Variants in THRB observed in about 807,000 individuals in gnomAD.
THRB encodes the protein nuclear receptor subfamily 1 group A member 2.
A neutral mutation model predicts 47.8 loss-of-function variants in THRB; 12 were observed. The ratio of observed to expected loss-of-function variants is 0.25; its 90% CI spans 0.16 to 0.41. The LOEUF is 0.41. Ranked by LOEUF, THRB falls within the 10% of genes least tolerant of loss-of-function variation. The pLI is 1.00. For synonymous variants in THRB, 218 were observed against 212.2 expected (o/e 1.03, Z -0.24); for missense variants, 348 against 589.2 (o/e 0.59, Z 4.24).
At chr3:24,485,031 C>G (rs1486682780) in intron 1 of THRB, among the ~76,000 whole-genome samples, 1 of 152,162 alleles carries the variant, frequency 6.6e-6, no homozygotes, top group East Asian at 1.9e-4. Flanking sequence ...AATAAAATCC[C>G]CATCAGTTAG....
chr3:24,173,280 T>G (rs1241804053), intron 5 of THRB, among the ~76,000 whole-genome samples: 1 of 152,182 alleles, frequency 6.6e-6, no homozygotes, highest in East Asian at 1.9e-4. Flanking sequence ...CCTTGAGCCC[T>G]GGATTCTCAA....
intron 3 of THRB, among the ~76,000 whole-genome samples, chr3:24,288,132 T>G (rs773754640): frequency 3.3e-5 from 5 of 152,200 alleles, no homozygotes; most frequent in Non-Finnish European, 7.3e-5. Flanking sequence ...GAAGGCAAGT[T>G]TTCTACCAAG....
chr3:24,301,284 A>T (rs2056922530), intron 2 of THRB, among the ~76,000 whole-genome samples: 1 of 152,196 alleles, frequency 6.6e-6, no homozygotes, highest in South Asian at 2.1e-4. Context: ...CAGCCCTAGG[A>T]AACTAAATAT....
At chr3:24,284,426 C>G (rs2055007778) in intron 3 of THRB, among the ~76,000 whole-genome samples, 1 of 150,838 alleles carries the variant, frequency 6.6e-6, no homozygotes, top group Non-Finnish European at 1.5e-5. Flanking sequence ...ATACAAAAAT[C>G]AATTCAAGAT....
At chr3:24,367,770 T>G (rs2064586203) in intron 1 of THRB, among the ~76,000 whole-genome samples, 1 of 152,192 alleles carries the variant, frequency 6.6e-6, no homozygotes, top group Non-Finnish European at 1.5e-5. Context: ...AAGAAATGTT[T>G]ACAGTACTGC....
intron 1 of THRB, among the ~76,000 whole-genome samples, chr3:24,452,639 C>T (rs1055161829): frequency 6.6e-6 from 1 of 151,954 alleles, no homozygotes; most frequent in Admixed American, 6.6e-5. Context: ...CGCTATAAAC[C>T]ACCTGGTGCT....
intron 9 of THRB, among the ~76,000 whole-genome samples, chr3:24,128,240 T>C (rs1217205012): frequency 2.0e-5 from 3 of 152,200 alleles, no homozygotes; most frequent in Non-Finnish European, 4.4e-5. Context: ...TCTTGTAGCC[T>C]CTTGGCACAA....
chr3:24,173,771 C>A (rs1037667638), intron 5 of THRB, among the ~76,000 whole-genome samples: 6 of 152,184 alleles, frequency 3.9e-5, no homozygotes, highest in African/African-American at 1.4e-4. Context: ...TCTAACCATA[C>A]ATATTCTTCC....
intron 6 of THRB, among the ~76,000 whole-genome samples, chr3:24,150,694 T>C (rs1397983707): frequency 6.6e-6 from 1 of 152,192 alleles, no homozygotes; most frequent in Admixed American, 6.5e-5. Context: ...TAAGGCACAT[T>C]CACTCTTTAG....
intron 4 of THRB, among the ~76,000 whole-genome samples, chr3:24,224,013 A>C (rs1369095617): frequency 2.0e-5 from 3 of 152,228 alleles, no homozygotes; most frequent in East Asian, 1.9e-4. Flanking sequence ...TAACTATACC[A>C]AAAATTTCTA....
At chr3:24,404,325 T>C (rs1479117549) in intron 1 of THRB, among the ~76,000 whole-genome samples, 1 of 151,962 alleles carries the variant, frequency 6.6e-6, no homozygotes, top group African/African-American at 2.4e-5. Context: ...AACTCCATAT[T>C]GCAACTGTCC....
chr3:24,167,671 G>A (rs536898197), intron 5 of THRB, among the ~76,000 whole-genome samples: 1 of 152,216 alleles, frequency 6.6e-6, no homozygotes, highest in Admixed American at 6.5e-5. Flanking sequence ...GTTAAGAGCT[G>A]CGTGTTGAAT....
intron 2 of THRB, among the ~76,000 whole-genome samples, chr3:24,312,000 C>T (rs375252139): frequency 2.6e-5 from 4 of 152,346 alleles, no homozygotes; most frequent in African/African-American, 9.6e-5. Flanking sequence ...CACTGTGTTG[C>T]AACCATCCTG....
intron 3 of THRB, among the ~76,000 whole-genome samples, chr3:24,232,650 G>A (rs1416519575): frequency 1.3e-5 from 2 of 152,140 alleles, no homozygotes; most frequent in African/African-American, 4.8e-5. Flanking sequence ...TTTTAAGCAG[G>A]GGTGTGATAA....
intron 9 of THRB, among the ~76,000 whole-genome samples, chr3:24,131,962 T>G (rs978008125): frequency 1.3e-5 from 2 of 152,182 alleles, no homozygotes; most frequent in Admixed American, 6.5e-5. Context: ...AGGGGCAAGA[T>G]ATCTGTTTCC....
At chr3:24,305,810 GA>G (rs1386005859) in intron 2 of THRB, among the ~76,000 whole-genome samples, 1 of 151,968 alleles carries the variant, frequency 6.6e-6, no homozygotes, top group Non-Finnish European at 1.5e-5. Context: ...AAAATTTCAG[GA>G]ACTTTACCAA....
At chr3:24,224,555 G>C (rs1485955344) in intron 4 of THRB, among the ~76,000 whole-genome samples, 1 of 152,024 alleles carries the variant, frequency 6.6e-6, no homozygotes, top group African/African-American at 2.4e-5. Context: ...TTAAGAAGCA[G>C]CTGAAAAACC....
At chr3:24,263,204 T>C (rs905322686) in intron 3 of THRB, among the ~76,000 whole-genome samples, 3 of 152,202 alleles carry the variant, frequency 2.0e-5, no homozygotes, top group African/African-American at 4.8e-5. Context: ...GCTGGACTGC[T>C]TCCAATTTTC....
intron 4 of THRB, among the ~76,000 whole-genome samples, chr3:24,228,542 G>C (rs2047916011): frequency 1.3e-5 from 2 of 149,254 alleles, no homozygotes; most frequent in Non-Finnish European, 3.0e-5. Context: ...TGAGGTGGGA[G>C]AATCACTTGA....
Sources: allele counts gnomAD v4.1 joint callset (sites outside exome capture counted in the v4.1 genomes callset), GRCh38; gene constraint gnomAD v4.1.1; transcripts MANE v1.5; gene names NCBI Gene and HGNC (gene_info 2026-07-23, HGNC 2026-07-21).